The following EPM2A variants were observed in gnomAD, a reference collection of about 807,000 sequenced individuals.
EPM2A encodes the protein EPM2A glucan phosphatase, laforin.
Under a neutral mutation model 26.5 loss-of-function variants are expected in EPM2A, and 21 were observed. That is an observed-to-expected ratio of 0.79 (90% CI 0.56 to 1.14). The LOEUF is 1.14. Ranked by LOEUF, EPM2A falls within the 50% of genes most tolerant of loss-of-function variation. EPM2A has a pLI of 0.00. For missense variants in EPM2A, 458 were observed against 440.8 expected (o/e 1.04, Z -0.35); for synonymous variants, 217 against 177.6 (o/e 1.22, Z -1.76).
Position 145,625,652 on chromosome 6 carries a change from T to C in EPM2A, c.*1764A>G. The C allele has an allele frequency of 1.4e-6, 1 of 730,300 alleles. No individual in the cohort carries two copies. Among genetic ancestry groups the C allele is most frequent in the Non-Finnish European group, 2.6e-6 (1 of 391,472 alleles). 45.2% of individuals were successfully genotyped at this position (730,300 alleles called of 1,614,324 possible). On this transcript the variant is annotated 3_prime_UTR_variant, in exon 4 of 4. Transcript: ENST00000367519. ...GTTATTTTTAGCAAGGGAGCTGGAC[T>C]TCACTTTACTTAATGCTAGCTTATA...
intron 4 of EPM2A, among the ~76,000 whole-genome samples, chr6:145,395,529 G>C (rs981900956): frequency 6.6e-6 from 1 of 151,930 alleles, no homozygotes; most frequent in Admixed American, 6.6e-5. Flanking sequence ...AAAACAACGA[G>C]AGCCCCTCTC....
At chr6:145,416,526 A>T (rs1421987917) in intron 4 of EPM2A, among the ~76,000 whole-genome samples, 3 of 152,172 alleles carry the variant, frequency 2.0e-5, no homozygotes, top group Non-Finnish European at 2.9e-5. Context: ...CAAGAATTAA[A>T]AACCAAGCAG....
At chr6:145,635,183 C>T (rs183878160) in intron 3 of EPM2A, 62 bp downstream of exon 3, 1 of 1,534,896 alleles carries the variant, frequency 6.5e-7, no homozygotes, top group Non-Finnish European at 8.9e-7. Flanking sequence ...TATAGATAGA[C>T]AGACAGACAG....
At chr6:145,621,119 G>A (rs551474626), downstream of EPM2A, among the ~76,000 whole-genome samples, 1 of 152,206 alleles carries the variant, frequency 6.6e-6, no homozygotes, top group South Asian at 2.1e-4. Flanking sequence ...TCAGCCCCTG[G>A]TAACTACCAT....
chr6:145,420,768 A>G (rs1484633254), intron 4 of EPM2A, among the ~76,000 whole-genome samples: 1 of 152,110 alleles, frequency 6.6e-6, no homozygotes, highest in Non-Finnish European at 1.5e-5. Flanking sequence ...TATTTCTTAC[A>G]GTTCTAGAGA....
At chr6:145,721,781 A>G (rs1775962836) in intron 1 of EPM2A, 1 of 152,216 alleles carries the variant, frequency 6.6e-6, no homozygotes, top group Admixed American at 6.5e-5. Flanking sequence ...GATGCCTATT[A>G]TTTCTCTAGA....
downstream of EPM2A, chr6:145,625,176 A>T (rs1460385760): frequency 2.0e-5 from 3 of 153,148 alleles, no homozygotes; most frequent in African/African-American, 7.2e-5. Context: ...TAATTGAAAG[A>T]GGAAGAGTGA....
intron 4 of EPM2A, among the ~76,000 whole-genome samples, chr6:145,409,533 C>T (rs1778615426): frequency 6.6e-6 from 1 of 152,076 alleles, no homozygotes; most frequent in Non-Finnish European, 1.5e-5. Context: ...GTGTTCTATG[C>T]TTGAGGAGCT....
chr6:145,501,204 A>G (rs1193278157), downstream of EPM2A, among the ~76,000 whole-genome samples: 1 of 152,188 alleles, frequency 6.6e-6, no homozygotes, highest in Non-Finnish European at 1.5e-5. Context: ...ACTGAGTCAT[A>G]ACAATAATCA....
At chr6:145,483,964 C>A (rs771629214) in intron 4 of EPM2A, among the ~76,000 whole-genome samples, 2 of 152,146 alleles carry the variant, frequency 1.3e-5, no homozygotes, top group African/African-American at 4.8e-5. Context: ...ATACATCTAA[C>A]AAATATATCT....
rs547147183 is a variant in EPM2A, at chr6:145,735,370, G to C, written c.129C>G (p.Ala43=). The C allele has an allele frequency of 2.5e-4, 314 of 1,250,822 alleles. No individual in the cohort carries two copies. The African/African-American group carries it at 4.2e-3, about 17-fold the overall frequency. The allele number at this position is 1,250,822 out of a possible 1,614,324, so 77.5% of individuals were successfully genotyped here. Residue 43 remains alanine, a synonymous_variant, in exon 1 of 4, where the codon GCC becomes GCG. Transcript: ENST00000367519. ...EPRGAVRLRP[A]GTAAGDGALA... ...GGGCCCCGTCGCCCGCCGCGGTGCC[G>C]GCCGGCCTCAGGCGGACGGCACCGC... is the stretch of plus-strand genomic sequence containing the variant.
intron 4 of EPM2A, among the ~76,000 whole-genome samples, chr6:145,469,299 C>T (rs976368983): frequency 6.6e-6 from 1 of 152,096 alleles, no homozygotes; most frequent in African/African-American, 2.4e-5. Context: ...CCTGGTCTCT[C>T]CCTTGACATG....
At chr6:145,678,062 T>C (rs766964914) in intron 2 of EPM2A, among the ~76,000 whole-genome samples, 16 of 152,150 alleles carry the variant, frequency 1.1e-4, no homozygotes, top group Non-Finnish European at 1.8e-4. Context: ...AACAGCATGG[T>C]ACTGGTACCA....
At chr6:145,446,400 T>C (rs1779129708) in intron 4 of EPM2A, among the ~76,000 whole-genome samples, 1 of 150,006 alleles carries the variant, frequency 6.7e-6, no homozygotes, top group Non-Finnish European at 1.5e-5. Context: ...GTTTCTATCA[T>C]TTGTTTTTTC....
At chr6:145,465,976 C>T (rs1779386413) in intron 4 of EPM2A, among the ~76,000 whole-genome samples, 1 of 152,026 alleles carries the variant, frequency 6.6e-6, no homozygotes, top group Non-Finnish European at 1.5e-5. Flanking sequence ...ACCCCTTATA[C>T]AAAAATCAAT....
intron 2 of EPM2A, among the ~76,000 whole-genome samples, chr6:145,530,477 G>A (rs2114782978): frequency 6.6e-6 from 1 of 152,028 alleles, no homozygotes; most frequent in South Asian, 2.1e-4. Flanking sequence ...TGTAGCAAGG[G>A]AAAGCTTGTT....
chr6:145,457,591 C>T (rs1301977691), intron 4 of EPM2A, among the ~76,000 whole-genome samples: 1 of 152,028 alleles, frequency 6.6e-6, no homozygotes, highest in African/African-American at 2.4e-5. Flanking sequence ...ACCTAATTCA[C>T]TCACTTAATT....
At chr6:145,392,270 C>T (rs1404253203) in intron 4 of EPM2A, among the ~76,000 whole-genome samples, 1 of 152,128 alleles carries the variant, frequency 6.6e-6, no homozygotes, top group Admixed American at 6.5e-5. Flanking sequence ...GAACTCTAAA[C>T]ATGTTCTGGA....
intron 2 of EPM2A, among the ~76,000 whole-genome samples, chr6:145,654,260 G>A (rs1335621841): frequency 3.3e-5 from 5 of 150,958 alleles, no homozygotes; most frequent in Admixed American, 6.6e-5. Flanking sequence ...TTGGCTCACC[G>A]CAACCTCTGC....
Sources: allele counts gnomAD v4.1 joint callset (sites outside exome capture counted in the v4.1 genomes callset), GRCh38; gene constraint gnomAD v4.1.1; transcripts MANE v1.5; gene names NCBI Gene and HGNC (gene_info 2026-07-23, HGNC 2026-07-21).